ASAP3: variants seen among roughly 807,000 people sequenced by gnomAD.
ASAP3 encodes the protein arf-GAP with SH3 domain, ANK repeat and PH domain-containing protein 3.
ASAP3 carries 85 observed loss-of-function variants against 118.2 expected under a neutral mutation model. The observed-to-expected ratio is 0.72, with a 90% CI of 0.60 to 0.86. ASAP3 has a LOEUF of 0.86. Among genes scored for constraint, ASAP3 ranks in the 40% least tolerant of loss-of-function variants. ASAP3 has a pLI of 0.00. For missense variants in ASAP3, 1,026 were observed against 1,175.0 expected (o/e 0.87, Z 1.85); for synonymous variants, 432 against 477.4 (o/e 0.90, Z 1.24).
Position 23,434,644 on chromosome 1 carries a change from A to AT in ASAP3, c.1750-27dup, listed in dbSNP as rs777651129. ...CTGAAAACACATCCACACCTCTGAG[A>AT]TTCCCCCCCCAGTGCACCTGCCTCC... On this transcript the variant is annotated intron_variant, in intron 17 of 24. Transcript: ENST00000336689. 5.0e-6 allele frequency: 8 copies of AT among 1,606,384 alleles called. No individual in the cohort carries two copies. In the East Asian group the frequency reaches 6.7e-5, roughly 13 times the overall value.
At chr1:23,453,467 C>G (rs1195206249) in intron 3 of ASAP3, among the ~76,000 whole-genome samples, 1 of 152,104 alleles carries the variant, frequency 6.6e-6, no homozygotes, top group Admixed American at 6.5e-5. Flanking sequence ...GTAAGATGGG[C>G]ATCTGGGCCT....
In ASAP3 at chr1:23,451,516, GTTT is replaced by G; in HGVS notation, c.433_435del (p.Lys145del). On this transcript the variant is annotated inframe_deletion, in exon 5 of 25. Coordinates refer to ENST00000336689, the MANE Select transcript of ASAP3 (RefSeq NM_017707.4). ...TAGTCCTTCCATGCCTTCTCCAGCT[GTTT>G]TTTGGAATCCTGTGGGTTAAAAAAG... is the stretch of plus-strand genomic sequence containing the variant. The G allele has an allele frequency of 6.2e-7, 1 of 1,614,166 alleles. No individual in the cohort carries two copies. The highest frequency in any genetic ancestry group is 8.5e-7 in the Non-Finnish European group (1 of 1,180,026).
At chr1:23,453,658 C>T (rs1641295576) in intron 3 of ASAP3, among the ~76,000 whole-genome samples, 1 of 152,144 alleles carries the variant, frequency 6.6e-6, no homozygotes, top group African/African-American at 2.4e-5. Context: ...CCTAATATTT[C>T]AACCAGCTTC....
chr1:23,466,210 C>G (rs1401709879), intron 1 of ASAP3, among the ~76,000 whole-genome samples: 15 of 152,216 alleles, frequency 9.9e-5, no homozygotes, highest in Non-Finnish European at 7.3e-5. Context: ...GAACAGGCCA[C>G]CCCTGAAGGC....
intron 5 of ASAP3, among the ~76,000 whole-genome samples, chr1:23,450,727 A>G (rs1449173464): frequency 2.0e-5 from 3 of 152,220 alleles, no homozygotes; most frequent in Non-Finnish European, 4.4e-5. Flanking sequence ...ATTATTCATA[A>G]TAAGCATAAA....
chr1:23,462,316 G>A (rs1033055146), intron 1 of ASAP3, among the ~76,000 whole-genome samples: 5 of 151,162 alleles, frequency 3.3e-5, no homozygotes, highest in South Asian at 2.1e-4. Flanking sequence ...GAGCCACCGC[G>A]CCCGGCCACA....
At chr1:23,456,830 C>A (rs530679076) in intron 1 of ASAP3, among the ~76,000 whole-genome samples, 1 of 152,120 alleles carries the variant, frequency 6.6e-6, no homozygotes, top group Non-Finnish European at 1.5e-5. Context: ...TTACCTGAGT[C>A]TGGGGAGATG....
chr1:23,462,495 G>C (rs563892512), intron 1 of ASAP3, among the ~76,000 whole-genome samples: 1 of 151,536 alleles, frequency 6.6e-6, no homozygotes, highest in Non-Finnish European at 1.5e-5. Context: ...AATCTCAGCC[G>C]GGCACAGTGG....
At chr1:23,432,703 G>A (rs1341811972) in intron 22 of ASAP3, among the ~76,000 whole-genome samples, 4 of 152,230 alleles carry the variant, frequency 2.6e-5, no homozygotes, top group African/African-American at 9.6e-5. Context: ...ATCACATTGT[G>A]CCTTGTATTA....
chr1:23,431,546 C>A, intron 23 of ASAP3, 150 bp downstream of exon 23: 1 of 763,996 alleles, frequency 1.3e-6, no homozygotes, highest in African/African-American at 1.8e-5. Flanking sequence ...GGAAGGGGTC[C>A]CAGGGTTCAG....
chr1:23,441,077 A>G, intron 10 of ASAP3, 25 bp downstream of exon 10: 1 of 1,609,198 alleles, frequency 6.2e-7, no homozygotes, highest in Non-Finnish European at 8.5e-7. Flanking sequence ...CATTGGGCAA[A>G]TTATGTAAGC....
At chr1:23,444,147 G>T (rs1640969325) in intron 5 of ASAP3, among the ~76,000 whole-genome samples, 1 of 152,194 alleles carries the variant, frequency 6.6e-6, no homozygotes, top group Admixed American at 6.5e-5. Context: ...GAAATTACAG[G>T]CATGAGCCAC....
intron 1 of ASAP3, among the ~76,000 whole-genome samples, chr1:23,464,522 C>T (rs1395170689): frequency 6.6e-6 from 1 of 151,492 alleles, no homozygotes; most frequent in Non-Finnish European, 1.5e-5. Flanking sequence ...TAGCCAAGTG[C>T]TGTGACACAC....
At chr1:23,480,290 C>T (rs1405494177) in intron 1 of ASAP3, 1 of 152,208 alleles carries the variant, frequency 6.6e-6, no homozygotes, top group Admixed American at 6.5e-5. Context: ...CTGAGACCTA[C>T]TGGAGGGGGT....
chr1:23,484,172 G>C lies in ASAP3; in HGVS notation c.-39C>G, dbSNP rs758166394. 6.4e-6 allele frequency: 8 copies of C among 1,244,956 alleles called. No homozygotes were observed. The highest frequency in any genetic ancestry group is 4.3e-5 in the Admixed American group (1 of 23,372). 77.1% of individuals were successfully genotyped at this position (1,244,956 alleles called of 1,614,324 possible). A position where few individuals can be genotyped will look rare whatever the true frequency, so the allele number is the denominator to read the frequency against. On this transcript the variant is annotated 5_prime_UTR_variant, in exon 1 of 25. Coordinates refer to ENST00000336689, the MANE Select transcript of ASAP3 (RefSeq NM_017707.4). ...GTGGAGCTGCCGGAGCGGGGCGCGG[G>C]GGGCACTGAGCTGCTCCGCGCTGAG...
Position 23,436,854 on chromosome 1 carries a change from T to A in ASAP3, c.1476+57A>T. 6.3e-7 allele frequency: 1 copy of A among 1,578,786 alleles called. No individual in the cohort carries two copies. Among genetic ancestry groups the A allele is most frequent in the African/African-American group, 1.4e-5 (1 of 73,076 alleles). Reference sequence around the variant, plus strand: ...ACAACCTGCAAGCCCCGCCCCCGGATGAAACTACACCCCTAACTCCGCTTC... The same window carrying A: ...ACAACCTGCAAGCCCCGCCCCCGGAAGAAACTACACCCCTAACTCCGCTTC... On this transcript the variant is annotated intron_variant, in intron 15 of 24. Transcript: ENST00000336689. This position sits in a 1 kb window ranked among gnomAD's most constrained non-coding sequence, Gnocchi z 4.2.
intron 1 of ASAP3, among the ~76,000 whole-genome samples, chr1:23,482,255 C>G (rs1161758703): frequency 2.6e-5 from 4 of 152,262 alleles, no homozygotes; most frequent in Non-Finnish European, 4.4e-5. Flanking sequence ...AGTGCAGCGG[C>G]TCACACCTAT....
At chr1:23,463,540 T>C (rs1291192967) in intron 1 of ASAP3, among the ~76,000 whole-genome samples, 3 of 152,210 alleles carry the variant, frequency 2.0e-5, no homozygotes, top group Non-Finnish European at 2.9e-5. Flanking sequence ...AATTATCTCC[T>C]TGGGTGATAC....
At chr1:23,439,255 C>G in intron 10 of ASAP3, 25 bp from the exon 11 acceptor site, 1 of 1,612,100 alleles carries the variant, frequency 6.2e-7, no homozygotes, top group Non-Finnish European at 8.5e-7. Flanking sequence ...GATAGAAGGA[C>G]AGTGACCCAA....
Sources: allele counts gnomAD v4.1 joint callset (sites outside exome capture counted in the v4.1 genomes callset), GRCh38; gene constraint gnomAD v4.1.1; non-coding constraint Gnocchi (gnomAD v3.1); transcripts MANE v1.5; gene names NCBI Gene and HGNC (gene_info 2026-07-23, HGNC 2026-07-21).